NRIP1: variants seen among roughly 807,000 people sequenced by gnomAD.
NRIP1 encodes the protein nuclear receptor-interacting protein 1.
Under a neutral mutation model 75.0 loss-of-function variants are expected in NRIP1, and 28 were observed. That is an observed-to-expected ratio of 0.37 (90% CI 0.28 to 0.51). The LOEUF (loss-of-function observed/expected upper bound fraction) is 0.51, where lower values mean the gene tolerates loss of function less well. Among genes scored for constraint, NRIP1 ranks in the 20% least tolerant of loss-of-function variants. NRIP1 has a pLI of 0.92. For synonymous variants in NRIP1, 526 were observed against 487.6 expected (o/e 1.08, Z -1.04); for missense variants, 1,435 against 1,343.7 (o/e 1.07, Z -1.06).
Position 14,966,696 on chromosome 21 carries a change from T to C in NRIP1, c.1497A>G (p.Thr499=). Residue 499 remains threonine (T), a synonymous_variant, in exon 4 of 4, where the codon ACA becomes ACG. Coordinates refer to ENST00000318948, the MANE Select transcript of NRIP1 (RefSeq NM_003489.4). ...NSKLNSHQKV[T]LLQLLLGHKN... is the part of the protein sequence containing the mutation. ...TATGGCCAAGTAGCAATTGAAGAAGTGTTACTTTCTGGTGTGAGTTTAGCT... is the reference window on the plus strand; with the variant it reads ...TATGGCCAAGTAGCAATTGAAGAAGCGTTACTTTCTGGTGTGAGTTTAGCT... 1 of 1,614,104 alleles carries C rather than the reference T, an allele frequency of 6.2e-7. No homozygotes were observed. The highest frequency in any genetic ancestry group is 8.5e-7 in the Non-Finnish European group (1 of 1,179,998).
At chr21:14,976,285 T>C (rs951116484) in intron 3 of NRIP1, among the ~76,000 whole-genome samples, 4 of 152,140 alleles carry the variant, frequency 2.6e-5, no homozygotes, top group African/African-American at 9.7e-5. Context: ...TTTTAGAAAG[T>C]AATAAAATCA....
intron 2 of NRIP1, among the ~76,000 whole-genome samples, chr21:15,034,516 T>G (rs1335500078): frequency 6.6e-6 from 1 of 152,206 alleles, no homozygotes; most frequent in African/African-American, 2.4e-5. Context: ...AAATGAATAT[T>G]ATTATTGACT....
chr21:15,065,582 T>G (rs1978820412), upstream of NRIP1: 1 of 149,900 alleles, frequency 6.7e-6, no homozygotes, highest in African/African-American at 2.4e-5. Flanking sequence ...CCCCAATTTC[T>G]ATCTCCTTGT....
chr21:14,976,164 TATTA>T (rs1395601845), intron 3 of NRIP1, among the ~76,000 whole-genome samples: 2 of 152,216 alleles, frequency 1.3e-5, no homozygotes, highest in African/African-American at 4.8e-5. Context: ...ATCTTCCTTT[TATTA>T]ATTTAAAATT....
intron 2 of NRIP1, among the ~76,000 whole-genome samples, chr21:15,015,704 G>A (rs924580960): frequency 1.3e-5 from 2 of 151,944 alleles, no homozygotes; most frequent in African/African-American, 4.8e-5. Context: ...TACTATATAA[G>A]TGATAAAAAC....
chr21:14,997,493 C>G (rs2147101369), intron 3 of NRIP1, among the ~76,000 whole-genome samples: 1 of 151,788 alleles, frequency 6.6e-6, no homozygotes, highest in Middle Eastern at 3.4e-3. Context: ...AGGTTAAAAA[C>G]TGAGAATAAA....
At chr21:14,993,537 A>G (rs906769739) in intron 3 of NRIP1, among the ~76,000 whole-genome samples, 2 of 152,198 alleles carry the variant, frequency 1.3e-5, no homozygotes, top group African/African-American at 4.8e-5. Flanking sequence ...TAACATGTAT[A>G]ACAATGTATT....
chr21:15,049,077 A>G (rs1433061630), intron 1 of NRIP1, among the ~76,000 whole-genome samples: 1 of 152,194 alleles, frequency 6.6e-6, no homozygotes, highest in East Asian at 1.9e-4. Context: ...CTGCCTAAAT[A>G]AAGAACAATT....
chr21:15,034,145 A>G (rs1039746299), intron 2 of NRIP1, among the ~76,000 whole-genome samples: 3 of 152,214 alleles, frequency 2.0e-5, no homozygotes, highest in African/African-American at 7.2e-5. Flanking sequence ...AGCCTGTTAA[A>G]ACTTTTTGCA....
intron 3 of NRIP1, among the ~76,000 whole-genome samples, chr21:14,989,876 G>A (rs969057772): frequency 6.6e-6 from 1 of 151,054 alleles, no homozygotes; most frequent in Non-Finnish European, 1.5e-5. Flanking sequence ...TTTAGACTAG[G>A]GCCACTAGAA....
chr21:14,964,334 T>C lies in NRIP1; in HGVS notation c.*382A>G, dbSNP rs1159603150. Reference sequence around the variant, plus strand: ...CAGTTTAGACTTTAAAAATGTGTTATGTAGGCTGACTTCTGAAAAGCAAAA... The same window carrying C: ...CAGTTTAGACTTTAAAAATGTGTTACGTAGGCTGACTTCTGAAAAGCAAAA... On this transcript the variant is annotated 3_prime_UTR_variant, in exon 4 of 4. Transcript: ENST00000318948. 1.3e-5 allele frequency: 2 copies of C among 158,820 alleles called. No individual in the cohort carries two copies. Among genetic ancestry groups the C allele is most frequent in the Admixed American group, 6.3e-5 (1 of 15,878 alleles). The allele number at this position is 158,820 out of a possible 1,614,324, so 9.8% of individuals were successfully genotyped here.
At chr21:15,039,837 T>C (rs1347634615) in intron 2 of NRIP1, among the ~76,000 whole-genome samples, 1 of 152,118 alleles carries the variant, frequency 6.6e-6, no homozygotes, top group African/African-American at 2.4e-5. Flanking sequence ...TTTAAAGATA[T>C]GTATCTGTCA....
chr21:14,968,392 C>T lies in NRIP1; in HGVS notation c.-200G>A. 1.8e-6 allele frequency: 1 copy of T among 553,816 alleles called. No homozygotes were observed. The highest frequency in any genetic ancestry group is 3.3e-6 in the Non-Finnish European group (1 of 307,412). The allele number at this position is 553,816 out of a possible 1,614,324, so 34.3% of individuals were successfully genotyped here. ...AATGCAGTCTGACCACAGTGCTGATCAACTTCTACGCAAGGAGGAGGAGAA... is the reference window on the plus strand; with the variant it reads ...AATGCAGTCTGACCACAGTGCTGATTAACTTCTACGCAAGGAGGAGGAGAA... On this transcript the variant is annotated 5_prime_UTR_variant, in exon 4 of 4. Coordinates refer to ENST00000318948, the MANE Select transcript of NRIP1 (RefSeq NM_003489.4).
At chr21:14,979,828 T>G (rs2087181269) in intron 3 of NRIP1, among the ~76,000 whole-genome samples, 1 of 152,168 alleles carries the variant, frequency 6.6e-6, no homozygotes, top group Admixed American at 6.5e-5. Flanking sequence ...TTGTGAATTT[T>G]TATGTGTTTG....
intron 2 of NRIP1, among the ~76,000 whole-genome samples, chr21:15,016,352 T>C (rs1379102312): frequency 6.6e-6 from 1 of 152,156 alleles, no homozygotes. Context: ...TATGTGTAAT[T>C]ACATGAGTAC....
At chr21:15,046,257 T>C (rs2089072014) in intron 1 of NRIP1, among the ~76,000 whole-genome samples, 3 of 152,226 alleles carry the variant, frequency 2.0e-5, no homozygotes, top group Admixed American at 2.0e-4. Flanking sequence ...AAGTTGAAAT[T>C]ACTCCTTGAT....
chr21:15,001,835 C>T (rs2087855790), intron 3 of NRIP1, among the ~76,000 whole-genome samples: 1 of 152,116 alleles, frequency 6.6e-6, no homozygotes, highest in Admixed American at 6.6e-5. Context: ...ACCTCCATGA[C>T]TGCTCCCATC....
intron 1 of NRIP1, among the ~76,000 whole-genome samples, chr21:15,043,831 T>C (rs1420275995): frequency 6.6e-6 from 1 of 152,132 alleles, no homozygotes; most frequent in Non-Finnish European, 1.5e-5. Context: ...TGTTTGTTTG[T>C]TTTTTGAGGT....
At position 14,966,458 on chromosome 21, in the gene NRIP1, A is replaced by T; in HGVS notation, c.1735T>A (p.Ser579Thr). ...SQHSLVIKWN[S>T]PPYVCSTQSE... ...TGAGTACTGCAGACATATGGTGGGGAATTCCATTTGATGACCAGAGAGTGT... is the reference window on the plus strand; with the variant it reads ...TGAGTACTGCAGACATATGGTGGGGTATTCCATTTGATGACCAGAGAGTGT... The change falls in exon 4 of 4, where the codon TCC becomes ACC. Residue 579 changes from serine (S) to threonine (T), a missense_variant. By Grantham distance (58) the Ser-to-Thr change is moderately conservative (BLOSUM62 1). Transcript: ENST00000318948. 1 of 1,613,998 alleles carries T rather than the reference A, an allele frequency of 6.2e-7. No homozygotes were observed. Among genetic ancestry groups the T allele is most frequent in the East Asian group, 2.2e-5 (1 of 44,874 alleles).
Sources: allele counts gnomAD v4.1 joint callset (sites outside exome capture counted in the v4.1 genomes callset), GRCh38; gene constraint gnomAD v4.1.1; transcripts MANE v1.5; gene names NCBI Gene and HGNC (gene_info 2026-07-23, HGNC 2026-07-21).